Variants in KIAA1549L observed in about 807,000 individuals in gnomAD.
The protein encoded by KIAA1549L is UPF0606 protein KIAA1549L.
Under a neutral mutation model 160.7 loss-of-function variants are expected in KIAA1549L, and 88 were observed. That is an observed-to-expected ratio of 0.55 (90% CI 0.46 to 0.65). The LOEUF is 0.65. Among genes scored for constraint, KIAA1549L ranks in the 30% least tolerant of loss-of-function variants. The pLI, the probability that KIAA1549L is intolerant of heterozygous loss-of-function variation, is 0.00. For synonymous variants in KIAA1549L, 950 were observed against 976.7 expected, an observed-to-expected ratio of 0.97 and a Z score of 0.51; for missense variants, 2,258 against 2,437.5, an observed-to-expected ratio of 0.93 and a Z score of 1.55.
At chr11:33,557,246 C>T (rs946509424) in intron 6 of KIAA1549L, among the ~76,000 whole-genome samples, 2 of 152,206 alleles carry the variant, frequency 1.3e-5, no homozygotes, top group Non-Finnish European at 2.9e-5. Context: ...GCCTTGGCTT[C>T]CCAAAGTGCT....
intron 17 of KIAA1549L, among the ~76,000 whole-genome samples, chr11:33,651,909 TCCCCTCC>T (rs1332419851): frequency 2.0e-5 from 1 of 49,808 alleles, no homozygotes; most frequent in Admixed American, 2.8e-4. Flanking sequence ...TCCCCTCCCC[TCCCCTCC>T]CCCTCCCTCC....
chr11:33,488,291 G>A (rs1852576165), intron 1 of KIAA1549L, among the ~76,000 whole-genome samples: 1 of 152,160 alleles, frequency 6.6e-6, no homozygotes, highest in African/African-American at 2.4e-5. Context: ...TCCTGAATGT[G>A]AAACAATCCA....
chr11:33,435,961 TAA>T (rs35891099), intron 1 of KIAA1549L, among the ~76,000 whole-genome samples: 4 of 116,160 alleles, frequency 3.4e-5, no homozygotes, highest in African/African-American at 6.5e-5. Context: ...CTAAAATATC[TAA>T]AAAAAAAAAA....
chr11:33,668,360 G>T lies in KIAA1549L; in HGVS notation c.*206G>T. On this transcript the variant is annotated 3_prime_UTR_variant, in exon 21 of 21. Coordinates refer to ENST00000658780, the MANE Select transcript of KIAA1549L (RefSeq NM_012194.3). The stretch of plus-strand genomic sequence containing the variant: ...GCTCATCCAACTGATTGTGGGTCAA[G>T]TCCCTGGCTTGGGGCCTTATGTTTG... 2 of 602,060 alleles carry T rather than the reference G, an allele frequency of 3.3e-6. No individual in the cohort carries two copies. The highest frequency in any genetic ancestry group is 5.8e-6 in the Non-Finnish European group (2 of 343,258). 37.3% of individuals were successfully genotyped at this position (602,060 alleles called of 1,614,324 possible). A position where few individuals can be genotyped will look rare whatever the true frequency, so the allele number is the denominator to read the frequency against.
intron 17 of KIAA1549L, among the ~76,000 whole-genome samples, chr11:33,650,146 T>G (rs956559653): frequency 1.1e-4 from 16 of 152,216 alleles, no homozygotes; most frequent in African/African-American, 3.9e-4. Context: ...CTATCATAGC[T>G]GGACCAGATA....
rs1249543798 is a variant in KIAA1549L, at chr11:33,551,187, C to T, written c.3649C>T (p.His1217Tyr). The change falls in exon 5 of 21, where the codon CAC (histidine) becomes TAC (tyrosine). Residue 1217 changes from histidine (H) to tyrosine (Y), a missense_variant. His to Tyr is a moderately conservative substitution (Grantham distance 83, BLOSUM62 2). Transcript: ENST00000658780. ...VTADLKQHTP[H>Y]LQSVAVLASP... ...TGCAGACCTGAAGCAACACACCCCACACTTACAGTCTGTGGCAGTACTTGC... is the reference window on the plus strand; with the variant it reads ...TGCAGACCTGAAGCAACACACCCCATACTTACAGTCTGTGGCAGTACTTGC... 18 of 1,613,980 alleles carry T rather than the reference C, an allele frequency of 1.1e-5. No individual in the cohort carries two copies. Among genetic ancestry groups the T allele is most frequent in the Non-Finnish European group, 1.5e-5 (18 of 1,179,870 alleles).
At chr11:33,469,237 G>A (rs1451068937) in intron 1 of KIAA1549L, among the ~76,000 whole-genome samples, 1 of 152,120 alleles carries the variant, frequency 6.6e-6, no homozygotes, top group Non-Finnish European at 1.5e-5. Context: ...TTCTGTCTCT[G>A]TGGATTGGCC....
intron 10 of KIAA1549L, among the ~76,000 whole-genome samples, chr11:33,576,446 C>T (rs949793232): frequency 5.3e-5 from 8 of 152,174 alleles, no homozygotes; most frequent in African/African-American, 1.9e-4. Flanking sequence ...TCCCTGTGGG[C>T]TCCGTCCTCA....
At chr11:33,576,285 G>C (rs1855444410) in intron 10 of KIAA1549L, among the ~76,000 whole-genome samples, 1 of 152,160 alleles carries the variant, frequency 6.6e-6, no homozygotes, top group African/African-American at 2.4e-5. Flanking sequence ...CTTCCAGGAT[G>C]ATGGTCCTGA....
At chr11:33,484,228 T>TG (rs1330792106) in intron 1 of KIAA1549L, among the ~76,000 whole-genome samples, 9 of 152,238 alleles carry the variant, frequency 5.9e-5, no homozygotes, top group Non-Finnish European at 8.8e-5. Flanking sequence ...ACCTCAATCC[T>TG]GAGCCTGACT....
intron 6 of KIAA1549L, among the ~76,000 whole-genome samples, chr11:33,552,707 C>CGT (rs1854508434): frequency 7.1e-6 from 1 of 140,442 alleles, no homozygotes; most frequent in Non-Finnish European, 1.5e-5. Context: ...CACACACATG[C>CGT]GTTTTATATT....
At chr11:33,387,679 G>A (rs1282520310) in intron 1 of KIAA1549L, among the ~76,000 whole-genome samples, 3 of 152,166 alleles carry the variant, frequency 2.0e-5, no homozygotes, top group Non-Finnish European at 4.4e-5. Context: ...CTGGGTGAGG[G>A]AAAATTGCAT....
At chr11:33,590,638 AT>A in intron 11 of KIAA1549L, among the ~76,000 whole-genome samples, 1 of 152,346 alleles carries the variant, frequency 6.6e-6, no homozygotes, top group South Asian at 2.1e-4. Flanking sequence ...CCATTTCATT[AT>A]TAATGATTGT....
chr11:33,656,109 G>C lies in KIAA1549L; in HGVS notation c.5858G>C (p.Arg1953Pro). 6.2e-7 allele frequency: 1 copy of C among 1,609,254 alleles called. No individual in the cohort carries two copies. The highest frequency in any genetic ancestry group is 1.7e-5 in the Admixed American group (1 of 59,934). The change falls in exon 18 of 21, where the codon CGA (arginine) becomes CCA (proline). Residue 1953 changes from arginine to proline, a missense_variant and splice_region_variant. Around this residue, in one of 6 missense-constraint regions of KIAA1549L, gnomAD observed 1,359 missense variants for 1,546.6 expected, o/e 0.88. Coordinates refer to ENST00000658780, the MANE Select transcript of KIAA1549L (RefSeq NM_012194.3). ...TGPVAVASLR[R>P]STSDIGSKTR... ...CCTGTGGCTGTCGCTTCTCTCAGGC[G>C]GTAACACGTTCCTTTCTTTGTTTTG...
intron 1 of KIAA1549L, among the ~76,000 whole-genome samples, chr11:33,434,541 C>T (rs901430352): frequency 4.6e-5 from 7 of 152,130 alleles, no homozygotes; most frequent in Non-Finnish European, 1.0e-4. Flanking sequence ...TCATATGGCC[C>T]AAGTGCAGAG....
Position 33,591,387 on chromosome 11 carries a change from A to T in KIAA1549L, c.4717A>T (p.Ile1573Phe), listed in dbSNP as rs201237882. The change falls in exon 12 of 21, where the codon ATC becomes TTC. Residue 1573 changes from isoleucine (I) to phenylalanine (F), a missense_variant. Physicochemically the swap from Ile to Phe is conservative, Grantham distance 21. This residue lies in a region of KIAA1549L where 1,359 missense variants were observed against 1,546.6 expected (regional missense o/e 0.88). Transcript: ENST00000658780. The part of the protein sequence containing the change: ...ERDVAQDGST[I>F]KTAKSTETRK... ...AGACGTCGCTCAGGATGGAAGCACC[A>T]TCAAGACCGCCAAATCCACTGAAAC... 6 of 1,609,898 alleles carry T rather than the reference A, an allele frequency of 3.7e-6. No individual in the cohort carries two copies. The highest frequency in any genetic ancestry group is 5.1e-6 in the Non-Finnish European group (6 of 1,176,686).
chr11:33,542,576 G>A lies in KIAA1549L; in HGVS notation c.1013G>A (p.Gly338Asp). The A allele has an allele frequency of 6.2e-7, 1 of 1,613,860 alleles. No individual in the cohort carries two copies. Among genetic ancestry groups the A allele is most frequent in the South Asian group, 1.1e-5 (1 of 91,072 alleles). Reference protein sequence around the residue: ...LSPTEGPHSAGSSTPGFLSPM... With the variant: ...LSPTEGPHSADSSTPGFLSPM... ...CCAACAGAGGGTCCCCATTCAGCAG[G>A]TTCATCCACACCTGGGTTTTTGAGC... The change falls in exon 2 of 21, where the codon GGT becomes GAT. Residue 338 changes from glycine (G) to aspartate (D), a missense_variant. Physicochemically the swap from Gly to Asp is moderately conservative, Grantham distance 94 (BLOSUM62 -1). Coordinates refer to ENST00000658780, the MANE Select transcript of KIAA1549L (RefSeq NM_012194.3).
intron 17 of KIAA1549L, among the ~76,000 whole-genome samples, chr11:33,652,257 CAA>C (rs1397774382): frequency 6.6e-6 from 1 of 151,958 alleles, no homozygotes; most frequent in African/African-American, 2.4e-5. Context: ...AACTAGAAGG[CAA>C]AGACAAGAGG....
chr11:33,461,211 GA>G (rs11307750), intron 1 of KIAA1549L, among the ~76,000 whole-genome samples: 54,542 of 151,574 alleles, frequency 0.36, 11,488 homozygotes, highest in South Asian at 0.46. Flanking sequence ...CAATAAAAAG[GA>G]AAAAATGATA....
Sources: gnomAD v4.1 joint callset for allele counts (sites outside exome capture counted in the v4.1 genomes callset) on GRCh38, gnomAD v4.1.1 for gene constraint, gnomAD v4.1.1 regional missense constraint, MANE v1.5 for transcripts, NCBI Gene and HGNC (gene_info 2026-07-23, HGNC 2026-07-21) for gene names.